The following CCDC192 variants were observed in gnomAD, a reference collection of about 807,000 sequenced individuals.
The protein encoded by CCDC192 is coiled-coil domain-containing protein 192.
chr5:127,734,132 T>A (rs1752821804), intron 2 of CCDC192, among the ~76,000 whole-genome samples: 1 of 135,362 alleles, frequency 7.4e-6, no homozygotes, highest in Non-Finnish European at 1.5e-5. Context: ...TGTGTCCATG[T>A]GATCTCATTG....
intron 5 of CCDC192, among the ~76,000 whole-genome samples, chr5:127,847,848 AATAAATAC>A (rs1455166789): frequency 1.3e-5 from 2 of 151,308 alleles, no homozygotes; most frequent in African/African-American, 4.9e-5. Context: ...TAAATAAATA[AATAAATAC>A]ATAAATAAAT....
intron 5 of CCDC192, among the ~76,000 whole-genome samples, chr5:127,841,959 A>T (rs548057602): frequency 1.8e-4 from 27 of 152,350 alleles, no homozygotes; most frequent in Non-Finnish European, 3.1e-4. Context: ...CTTGGCCTCA[A>T]TGAGGACAGA....
intron 5 of CCDC192, among the ~76,000 whole-genome samples, chr5:127,861,633 G>A (rs906927375): frequency 6.6e-6 from 1 of 151,908 alleles, no homozygotes; most frequent in Non-Finnish European, 1.5e-5. Context: ...CCAACCTGGC[G>A]ACAAAGCGAG....
At chr5:127,930,926 G>A (rs911476313) in intron 6 of CCDC192, among the ~76,000 whole-genome samples, 4 of 152,130 alleles carry the variant, frequency 2.6e-5, no homozygotes, top group South Asian at 2.1e-4. Context: ...TTGCTTTTCC[G>A]CACAAACGAC....
chr5:127,778,726 C>A (rs1561483341), intron 3 of CCDC192, among the ~76,000 whole-genome samples: 1 of 151,896 alleles, frequency 6.6e-6, no homozygotes, highest in Non-Finnish European at 1.5e-5. Context: ...TGGCTCTGGG[C>A]TTTTCTTTGT....
At chr5:127,813,615 C>T (rs9327451) in intron 5 of CCDC192, among the ~76,000 whole-genome samples, 3,123 of 152,166 alleles carry the variant, frequency 0.021, 114 homozygotes, top group African/African-American at 0.072. Context: ...GAAGAGTTTG[C>T]TTGAGCCTTT....
intron 6 of CCDC192, among the ~76,000 whole-genome samples, chr5:127,912,124 G>A (rs868336596): frequency 6.6e-6 from 1 of 150,672 alleles, no homozygotes; most frequent in African/African-American, 2.4e-5. Flanking sequence ...TAGAGACAGG[G>A]TTTCACCATA....
chr5:127,775,129 G>A (rs1231808900), intron 3 of CCDC192, among the ~76,000 whole-genome samples: 1 of 151,940 alleles, frequency 6.6e-6, no homozygotes, highest in Non-Finnish European at 1.5e-5. Flanking sequence ...GGTGACCCTG[G>A]TTACACTACC....
At chr5:127,834,678 G>A (rs1233005471) in intron 5 of CCDC192, among the ~76,000 whole-genome samples, 4 of 152,176 alleles carry the variant, frequency 2.6e-5, no homozygotes, top group African/African-American at 4.8e-5. Context: ...CAACTGTTGC[G>A]TGCAAACACT....
At chr5:127,881,420 CTG>C (rs1295131008) in intron 6 of CCDC192, among the ~76,000 whole-genome samples, 1 of 152,156 alleles carries the variant, frequency 6.6e-6, no homozygotes, top group African/African-American at 2.4e-5. Flanking sequence ...CTTTTTACCT[CTG>C]TGTGATTTTT....
chr5:127,940,932 G>C (rs1580851249), intron 6 of CCDC192: 2 of 336,472 alleles, frequency 5.9e-6, no homozygotes, highest in East Asian at 9.0e-5. Flanking sequence ...ATAAACAAGA[G>C]TTGGCAAGGG....
chr5:127,900,594 T>A (rs1386124232), intron 6 of CCDC192, among the ~76,000 whole-genome samples: 1 of 152,214 alleles, frequency 6.6e-6, no homozygotes, highest in Non-Finnish European at 1.5e-5. Context: ...CTTAGCCAGA[T>A]GCTTAAATGA....
rs144619260 is a variant in CCDC192 at position 127,857,636 on chromosome 5, T to C, written c.412-17902T>C. 251 of 152,290 alleles carry C rather than the reference T, an allele frequency of 1.6e-3. 1 individual carries two copies. Among genetic ancestry groups the C allele is most frequent in the African/African-American group, 5.5e-3 (229 of 41,534 alleles). 9.4% of individuals were successfully genotyped at this position (152,290 alleles called of 1,614,324 possible). On this transcript the variant is annotated intron_variant, in intron 5 of 6. Transcript: ENST00000514853. ...CACATGACTGTAGGGGCTGGCAAGT[T>C]TGAAAGCTGTAGGGCTGGCTGGTAA...
At chr5:127,788,471 C>A (rs553619705) in intron 3 of CCDC192, among the ~76,000 whole-genome samples, 89 of 152,214 alleles carry the variant, frequency 5.8e-4, no homozygotes, top group African/African-American at 2.0e-3. Context: ...AAAATTTATT[C>A]TGCTAGTTTC....
At chr5:127,915,266 A>G (rs545430871) in intron 6 of CCDC192, among the ~76,000 whole-genome samples, 12 of 152,352 alleles carry the variant, frequency 7.9e-5, no homozygotes, top group African/African-American at 2.9e-4. Context: ...AAAAAGTGCT[A>G]ACAATCATCT....
chr5:127,800,520 A>G (rs1252815748), intron 5 of CCDC192, among the ~76,000 whole-genome samples: 13 of 152,160 alleles, frequency 8.5e-5, no homozygotes, highest in African/African-American at 2.9e-4. Context: ...CATTTTTCCA[A>G]AAGAGTTTGA....
In CCDC192 at chr5:127,734,015, C is replaced by T. The variant is rs1380062927; in HGVS notation, c.115-20253C>T. 3.2e-4 allele frequency among the ~76,000 whole-genome samples: 48 copies of T among 150,240 alleles called. No homozygotes were observed. In the Middle Eastern group the frequency reaches 0.017, roughly 54 times the overall value. The stretch of plus-strand genomic sequence containing the variant: ...TATGTATACATGTGCCATGCTGGTG[C>T]GCTGCACCCACTAACTCATCATCTA... On this transcript the variant is annotated intron_variant, in intron 2 of 6. Transcript: ENST00000514853.
At chr5:127,757,325 G>C (rs1199633567) in intron 3 of CCDC192, among the ~76,000 whole-genome samples, 2 of 152,188 alleles carry the variant, frequency 1.3e-5, no homozygotes, top group African/African-American at 4.8e-5. Flanking sequence ...GCCATAGTTT[G>C]AGGAAAGGGA....
intron 3 of CCDC192, among the ~76,000 whole-genome samples, chr5:127,782,787 T>C (rs1306793697): frequency 1.3e-5 from 2 of 152,148 alleles, no homozygotes; most frequent in African/African-American, 4.8e-5. Flanking sequence ...CTTTTGTATT[T>C]TTTGTTTGTT....
Sources: gnomAD v4.1 joint callset for allele counts (sites outside exome capture counted in the v4.1 genomes callset) on GRCh38, gnomAD v4.1.1 for gene constraint, MANE v1.5 for transcripts, NCBI Gene and HGNC (gene_info 2026-07-23, HGNC 2026-07-21) for gene names.